The following HS3ST4 variants were observed in gnomAD, a reference collection of about 807,000 sequenced individuals.
The protein encoded by HS3ST4 is heparan sulfate-glucosamine 3-sulfotransferase 4.
Under a neutral mutation model 29.2 loss-of-function variants are expected in HS3ST4, and 17 were observed. The observed-to-expected ratio is 0.58, with a 90% CI of 0.40 to 0.87. The LOEUF is 0.87. HS3ST4 is among the 40% of genes least tolerant of loss of function. HS3ST4 has a pLI of 0.00. For missense variants in HS3ST4, 627 were observed against 634.5 expected (o/e 0.99, Z 0.13); for synonymous variants, 314 against 285.7 (o/e 1.10, Z -1.00).
At chr16:25,953,706 A>G (rs951040083) in intron 1 of HS3ST4, among the ~76,000 whole-genome samples, 1 of 152,182 alleles carries the variant, frequency 6.6e-6, no homozygotes, top group East Asian at 1.9e-4. Context: ...TTATTTGCCA[A>G]GTGGTTCCGG....
Position 25,818,537 on chromosome 16 carries a change from ATCT to A in HS3ST4, c.734+125391_734+125393del, listed in dbSNP as rs376100957. ...TAAAGTGTCACTAGGGTTGCAAAAC[ATCT>A]TCTTTTTTGGCTTAATGTGACATTT... is the stretch of plus-strand genomic sequence containing the variant. On this transcript the variant is annotated intron_variant, in intron 1 of 1. Transcript: ENST00000331351. 7.4e-4 allele frequency among the ~76,000 whole-genome samples: 112 copies of A among 152,328 alleles called. 3 individuals are homozygous for A. In the South Asian group the frequency reaches 0.019, roughly 26 times the overall value.
At chr16:25,806,391 AG>A (rs1344506627) in intron 1 of HS3ST4, among the ~76,000 whole-genome samples, 1 of 151,984 alleles carries the variant, frequency 6.6e-6, no homozygotes, top group Non-Finnish European at 1.5e-5. Flanking sequence ...ATTTTCCTCA[AG>A]TCCCCTACTC....
At chr16:26,019,142 C>T (rs1205098036) in intron 1 of HS3ST4, among the ~76,000 whole-genome samples, 2 of 152,144 alleles carry the variant, frequency 1.3e-5, no homozygotes, top group African/African-American at 2.4e-5. Flanking sequence ...TCTCTCTCAT[C>T]TGCTACCCCC....
At chr16:25,989,737 G>C (rs1969098355) in intron 1 of HS3ST4, among the ~76,000 whole-genome samples, 1 of 152,114 alleles carries the variant, frequency 6.6e-6, no homozygotes, top group African/African-American at 2.4e-5. Context: ...CACACCCAAA[G>C]ACCATATATT....
At chr16:25,908,397 TCA>T (rs1201070507) in intron 1 of HS3ST4, among the ~76,000 whole-genome samples, 1 of 152,214 alleles carries the variant, frequency 6.6e-6, no homozygotes, top group Non-Finnish European at 1.5e-5. Flanking sequence ...GCTGTAGGAT[TCA>T]CAGAGTAAGG....
At chr16:26,073,227 G>T (rs774662321) in intron 1 of HS3ST4, among the ~76,000 whole-genome samples, 1 of 152,168 alleles carries the variant, frequency 6.6e-6, no homozygotes, top group Non-Finnish European at 1.5e-5. Context: ...AAAGAATGCA[G>T]CCCCCTCTTA....
intron 1 of HS3ST4, among the ~76,000 whole-genome samples, chr16:26,107,611 G>A (rs145070956): frequency 8.7e-4 from 133 of 152,232 alleles, no homozygotes; most frequent in African/African-American, 3.0e-3. Flanking sequence ...TACCCATAGC[G>A]TAGCTCCCAC....
Position 26,074,049 on chromosome 16 carries a change from G to A in HS3ST4, c.735-61563G>A, listed in dbSNP as rs541140397. 4.6e-5 allele frequency among the ~76,000 whole-genome samples: 7 copies of A among 152,184 alleles called. No individual in the cohort carries two copies. In the South Asian group the frequency reaches 1.0e-3, roughly 23 times the overall value. ...TTTCCCAGGTTTGATTATTCTTACC[G>A]AATGTGTTGGTAATCCCCCTCAGCC... On this transcript the variant is annotated intron_variant, in intron 1 of 1. Coordinates refer to ENST00000331351, the MANE Select transcript of HS3ST4 (RefSeq NM_006040.3).
At chr16:26,018,587 G>A (rs1371161912) in intron 1 of HS3ST4, among the ~76,000 whole-genome samples, 2 of 152,184 alleles carry the variant, frequency 1.3e-5, no homozygotes, top group Admixed American at 6.5e-5. Context: ...TCCCAGAGAG[G>A]CTATGAGATT....
chr16:25,703,514 C>T (rs922923627), intron 1 of HS3ST4, among the ~76,000 whole-genome samples: 1 of 152,224 alleles, frequency 6.6e-6, no homozygotes, highest in Non-Finnish European at 1.5e-5. Flanking sequence ...GGGATTCAAA[C>T]CTAGGTGTAT....
intron 1 of HS3ST4, among the ~76,000 whole-genome samples, chr16:25,858,028 CTCTTTCTCTTTCT>C (rs929538484): frequency 7.3e-6 from 1 of 136,878 alleles, no homozygotes; most frequent in South Asian, 2.4e-4. Flanking sequence ...TCTTTCTTTC[CTCTTTCTCTTTCT>C]TCTTTCTCTT....
intron 1 of HS3ST4, among the ~76,000 whole-genome samples, chr16:25,971,394 T>C (rs998751066): frequency 6.6e-6 from 1 of 152,114 alleles, no homozygotes; most frequent in Non-Finnish European, 1.5e-5. Flanking sequence ...TTTATCCTCC[T>C]CCCACCCAAA....
At chr16:25,992,491 A>ATT (rs1373309801) in intron 1 of HS3ST4, among the ~76,000 whole-genome samples, 3 of 152,240 alleles carry the variant, frequency 2.0e-5, no homozygotes, top group Non-Finnish European at 2.9e-5. Flanking sequence ...GACAAAGCTA[A>ATT]TATTTGCATC....
At chr16:25,984,037 C>T (rs1969036742) in intron 1 of HS3ST4, among the ~76,000 whole-genome samples, 1 of 152,098 alleles carries the variant, frequency 6.6e-6, no homozygotes, top group Non-Finnish European at 1.5e-5. Flanking sequence ...ATTTGCATAT[C>T]CATCATCTCC....
chr16:25,869,228 A>G (rs1967724950), intron 1 of HS3ST4, among the ~76,000 whole-genome samples: 1 of 152,048 alleles, frequency 6.6e-6, no homozygotes, highest in Non-Finnish European at 1.5e-5. Context: ...GAGAAACAGC[A>G]TTGGTGGTGT....
intron 1 of HS3ST4, among the ~76,000 whole-genome samples, chr16:25,797,306 T>A (rs1966892074): frequency 6.6e-6 from 1 of 152,224 alleles, no homozygotes; most frequent in South Asian, 2.1e-4. Context: ...TATGATAGGA[T>A]GATTAGGTAT....
chr16:25,779,436 A>T (rs1233105648), intron 1 of HS3ST4, among the ~76,000 whole-genome samples: 2 of 152,194 alleles, frequency 1.3e-5, no homozygotes, highest in Admixed American at 1.3e-4. Context: ...CTTGAAGCCC[A>T]TATTCTTTCC....
intron 1 of HS3ST4, among the ~76,000 whole-genome samples, chr16:25,889,222 A>G (rs1390960162): frequency 4.6e-5 from 7 of 152,154 alleles, no homozygotes; most frequent in Non-Finnish European, 1.0e-4. Flanking sequence ...CTGGATTACA[A>G]CTGAATCTTT....
At chr16:25,979,636 G>T (rs1456721709) in intron 1 of HS3ST4, among the ~76,000 whole-genome samples, 1 of 152,146 alleles carries the variant, frequency 6.6e-6, no homozygotes, top group African/African-American at 2.4e-5. Context: ...ATTACAGTGA[G>T]TTGTATAATT....
Sources: allele counts gnomAD v4.1 joint callset (sites outside exome capture counted in the v4.1 genomes callset), GRCh38; gene constraint gnomAD v4.1.1; transcripts MANE v1.5; gene names NCBI Gene and HGNC (gene_info 2026-07-23, HGNC 2026-07-21).